Variants in PSD3 observed in about 807,000 individuals in gnomAD.
PSD3 encodes the protein pleckstrin and Sec7 domain containing 3.
Under a neutral mutation model 105.5 loss-of-function variants are expected in PSD3, and 49 were observed. The observed-to-expected ratio is 0.46, with a 90% CI of 0.37 to 0.59. The LOEUF (loss-of-function observed/expected upper bound fraction) is 0.59. Ranked by LOEUF, PSD3 falls within the 20% of genes least tolerant of loss-of-function variation. The pLI is 0.00. For missense variants in PSD3, 1,561 were observed against 1,263.8 expected, an observed-to-expected ratio of 1.24 and a Z score of -3.57; for synonymous variants, 557 against 457.8, an observed-to-expected ratio of 1.22 and a Z score of -2.77.
At chr8:19,068,413 C>T (rs1192944507) in intron 1 of PSD3, among the ~76,000 whole-genome samples, 1 of 152,056 alleles carries the variant, frequency 6.6e-6, no homozygotes, top group African/African-American at 2.4e-5. Context: ...CCCCAGCCTC[C>T]TGACAAGCTG....
Position 18,993,614 on chromosome 8 carries a change from T to A in PSD3, c.21+19949A>T, listed in dbSNP as rs879926792. Among the ~76,000 whole-genome samples, 138 of 152,162 alleles carry A rather than the reference T, an allele frequency of 9.1e-4. 3 individuals are homozygous for A. Among genetic ancestry groups the A allele is most frequent in the Middle Eastern group, 3.4e-3 (1 of 292 alleles). ...AATACTATTTCATGAGTATTAGAGCTTATCCCCCCAATTCAGTTGTATGCT... is the reference window on the plus strand; with the variant it reads ...AATACTATTTCATGAGTATTAGAGCATATCCCCCCAATTCAGTTGTATGCT... On this transcript the variant is annotated intron_variant, in intron 1 of 15. Coordinates refer to ENST00000327040, the MANE Select transcript of PSD3 (RefSeq NM_015310.4).
intron 10 of PSD3, among the ~76,000 whole-genome samples, chr8:18,650,533 C>G (rs1009819036): frequency 6.6e-6 from 1 of 152,184 alleles, no homozygotes; most frequent in Non-Finnish European, 1.5e-5. Context: ...GTCAATTTGA[C>G]TCACTGCACT....
At chr8:18,558,685 G>GTA (rs1801222258) in intron 14 of PSD3, among the ~76,000 whole-genome samples, 1 of 152,126 alleles carries the variant, frequency 6.6e-6, no homozygotes, top group Admixed American at 6.5e-5. Flanking sequence ...GCCAGGCGTG[G>GTA]TAGCACGTGC....
chr8:18,580,948 G>C (rs1366768833), intron 12 of PSD3, among the ~76,000 whole-genome samples: 5 of 152,112 alleles, frequency 3.3e-5, no homozygotes, highest in African/African-American at 1.2e-4. Context: ...GTTCAGTTTT[G>C]TAACAACCAG....
chr8:18,586,890 G>C (rs1040633820), intron 12 of PSD3, among the ~76,000 whole-genome samples: 1 of 152,308 alleles, frequency 6.6e-6, no homozygotes, highest in African/African-American at 2.4e-5. Flanking sequence ...GAGAAAGAGA[G>C]AATGGATGTA....
intron 11 of PSD3, among the ~76,000 whole-genome samples, chr8:18,607,451 C>T (rs1412976390): frequency 6.6e-6 from 1 of 152,054 alleles, no homozygotes; most frequent in African/African-American, 2.4e-5. Flanking sequence ...AGATGTGGAA[C>T]CTATGACCAC....
intron 4 of PSD3, among the ~76,000 whole-genome samples, chr8:18,852,266 A>C (rs935997010): frequency 6.6e-6 from 1 of 152,206 alleles, no homozygotes; most frequent in Non-Finnish European, 1.5e-5. Flanking sequence ...ATAGACCAGG[A>C]AACTCAGACC....
At chr8:18,571,949 T>C (rs1231068367) in intron 14 of PSD3, among the ~76,000 whole-genome samples, 3 of 152,116 alleles carry the variant, frequency 2.0e-5, no homozygotes, top group Non-Finnish European at 2.9e-5. Context: ...TGATAAAATA[T>C]GGCTTTTAGT....
intron 4 of PSD3, among the ~76,000 whole-genome samples, chr8:18,843,092 C>G (rs1263016221): frequency 1.3e-5 from 2 of 152,068 alleles, no homozygotes; most frequent in African/African-American, 2.4e-5. Context: ...TTAGAGGAAC[C>G]CAGTAGCAAG....
intron 1 of PSD3, among the ~76,000 whole-genome samples, chr8:18,942,731 C>G (rs192736434): frequency 6.6e-6 from 1 of 152,250 alleles, no homozygotes; most frequent in African/African-American, 2.4e-5. Context: ...AGAAAGCAAC[C>G]CTTCCAACTT....
At position 18,572,525 on chromosome 8, in the gene PSD3, T is replaced by C; in HGVS notation, c.2784+3A>G. The C allele has an allele frequency of 6.2e-7, 1 of 1,613,430 alleles. No individual in the cohort carries two copies. Among genetic ancestry groups the C allele is most frequent in the East Asian group, 2.2e-5 (1 of 44,882 alleles). On this transcript the variant is annotated splice_donor_region_variant and intron_variant, in intron 14 of 15. Transcript: ENST00000327040. ...AAGGTCAAAGCACTATCAAGATGATTACCTGAGACAGTTTTGTTGTAGTGG... is the reference window on the plus strand; with the variant it reads ...AAGGTCAAAGCACTATCAAGATGATCACCTGAGACAGTTTTGTTGTAGTGG...
chr8:18,805,150 T>C (rs922862491), intron 4 of PSD3, among the ~76,000 whole-genome samples: 3 of 152,188 alleles, frequency 2.0e-5, no homozygotes, highest in African/African-American at 7.2e-5. Flanking sequence ...AAGGACTCCA[T>C]ACGGCTTTCA....
chr8:18,665,303 T>C (rs1799384035), intron 9 of PSD3, among the ~76,000 whole-genome samples: 1 of 152,164 alleles, frequency 6.6e-6, no homozygotes, highest in African/African-American at 2.4e-5. Context: ...TTGGAAGAAG[T>C]TGATTCCAAC....
chr8:18,558,470 G>C (rs1346683428), intron 14 of PSD3, among the ~76,000 whole-genome samples: 1 of 152,114 alleles, frequency 6.6e-6, no homozygotes, highest in Non-Finnish European at 1.5e-5. Flanking sequence ...ACACATGTAC[G>C]TGCTCATCTC....
chr8:19,068,847 G>A (rs1829162444), intron 1 of PSD3, among the ~76,000 whole-genome samples: 1 of 151,860 alleles, frequency 6.6e-6, no homozygotes, highest in Non-Finnish European at 1.5e-5. Context: ...GGCTGGCTCT[G>A]ACTGTGTGAA....
chr8:18,606,584 G>C (rs1804850538), intron 11 of PSD3, among the ~76,000 whole-genome samples: 1 of 152,118 alleles, frequency 6.6e-6, no homozygotes, highest in Non-Finnish European at 1.5e-5. Context: ...TATAAGAAGG[G>C]AAGAATTTAT....
At chr8:18,840,037 G>A (rs1586187440) in intron 4 of PSD3, among the ~76,000 whole-genome samples, 1 of 152,152 alleles carries the variant, frequency 6.6e-6, no homozygotes, top group African/African-American at 2.4e-5. Flanking sequence ...ATACTGGCTT[G>A]TGCTTAGTAG....
intron 1 of PSD3, among the ~76,000 whole-genome samples, chr8:19,025,782 G>T (rs767951924): frequency 3.9e-5 from 6 of 152,206 alleles, no homozygotes; most frequent in Non-Finnish European, 5.9e-5. Context: ...CATCTTCAGA[G>T]AATTGGACAA....
At chr8:18,980,792 C>T (rs951153543) in intron 1 of PSD3, among the ~76,000 whole-genome samples, 3 of 152,174 alleles carry the variant, frequency 2.0e-5, no homozygotes, top group African/African-American at 7.2e-5. Context: ...TCTGCCTGAT[C>T]TTAAAACACC....
Sources: gnomAD v4.1 joint callset for allele counts (sites outside exome capture counted in the v4.1 genomes callset) on GRCh38, gnomAD v4.1.1 for gene constraint, MANE v1.5 for transcripts, NCBI Gene and HGNC (gene_info 2026-07-23, HGNC 2026-07-21) for gene names.